Variants in LPAR1 observed in about 807,000 individuals in gnomAD.
LPAR1 encodes the protein lysophosphatidic acid receptor 1, also known as LPA receptor 1.
A neutral mutation model predicts 23.8 loss-of-function variants in LPAR1; 5 were observed. The observed-to-expected ratio is 0.21, with a 90% confidence interval of 0.11 to 0.44. The LOEUF (loss-of-function observed/expected upper bound fraction) is 0.44, where lower values mean the gene tolerates loss of function less well. LPAR1 is among the 20% of genes least tolerant of loss of function. The pLI is 0.99. For synonymous variants in LPAR1, 160 were observed against 164.7 expected, an observed-to-expected ratio of 0.97 and a Z score of 0.22; for missense variants, 311 against 482.8, an observed-to-expected ratio of 0.64 and a Z score of 3.33.
intron 2 of LPAR1, among the ~76,000 whole-genome samples, chr9:110,993,276 C>A (rs968363245): frequency 1.3e-4 from 20 of 152,156 alleles, no homozygotes; most frequent in African/African-American, 4.8e-4. Flanking sequence ...CCTTCCCCAG[C>A]CCCTCACCCA....
chr9:111,006,229 C>T (rs1564319064), intron 2 of LPAR1, among the ~76,000 whole-genome samples: 3 of 152,168 alleles, frequency 2.0e-5, no homozygotes, highest in Non-Finnish European at 4.4e-5. Flanking sequence ...AAAGGCTGTA[C>T]ACAAGACACA....
chr9:110,919,207 T>C (rs140002125), intron 5 of LPAR1, among the ~76,000 whole-genome samples: 1 of 152,190 alleles, frequency 6.6e-6, no homozygotes, highest in Non-Finnish European at 1.5e-5. Flanking sequence ...CAGATTTCTC[T>C]CTCTCTCCCT....
At chr9:110,985,211 C>T (rs17382569) in intron 2 of LPAR1, among the ~76,000 whole-genome samples, 12,977 of 152,060 alleles carry the variant, frequency 0.085, 680 homozygotes, top group African/African-American at 0.15. Flanking sequence ...AAAATACCAT[C>T]GCCACCTGTG....
intron 2 of LPAR1, among the ~76,000 whole-genome samples, chr9:110,990,667 G>A (rs920495408): frequency 6.6e-6 from 1 of 151,794 alleles, no homozygotes; most frequent in Non-Finnish European, 1.5e-5. Context: ...TCAAATAAAT[G>A]ACCTCATCTT....
intron 3 of LPAR1, among the ~76,000 whole-genome samples, chr9:110,972,808 G>A (rs982611694): frequency 1.1e-4 from 16 of 152,154 alleles, no homozygotes; most frequent in South Asian, 4.2e-4. Flanking sequence ...TTAGCCAGGC[G>A]TGGTAGAACA....
intron 4 of LPAR1, among the ~76,000 whole-genome samples, chr9:110,963,874 A>G (rs1295957968): frequency 6.6e-6 from 1 of 152,252 alleles, no homozygotes; most frequent in Non-Finnish European, 1.5e-5. Flanking sequence ...AAGATCCCCC[A>G]GCTATGGTGT....
intron 2 of LPAR1, among the ~76,000 whole-genome samples, chr9:111,013,788 C>T (rs2097381560): frequency 1.3e-5 from 2 of 152,188 alleles, no homozygotes; most frequent in South Asian, 2.1e-4. Flanking sequence ...ATTTCCCCAA[C>T]CTTCATTCCC....
chr9:111,009,269 G>A (rs2097279391), intron 2 of LPAR1, among the ~76,000 whole-genome samples: 1 of 151,966 alleles, frequency 6.6e-6, no homozygotes, highest in South Asian at 2.1e-4. Context: ...CTGATTAAGT[G>A]CAACTGAAGA....
At chr9:110,998,650 C>G (rs940519490) in intron 2 of LPAR1, among the ~76,000 whole-genome samples, 1 of 152,204 alleles carries the variant, frequency 6.6e-6, no homozygotes, top group Non-Finnish European at 1.5e-5. Context: ...ATGACTTGAT[C>G]TGTAGCATAA....
intron 2 of LPAR1, among the ~76,000 whole-genome samples, chr9:111,025,552 T>C (rs1231067642): frequency 6.6e-6 from 1 of 152,220 alleles, no homozygotes; most frequent in East Asian, 1.9e-4. Flanking sequence ...TTAGTTTAAT[T>C]AGATCCCACT....
intron 2 of LPAR1, among the ~76,000 whole-genome samples, chr9:111,023,516 G>GTTTT (rs1194116920): frequency 6.8e-6 from 1 of 146,140 alleles, no homozygotes; most frequent in African/African-American, 2.5e-5. Context: ...ACATTTGGAT[G>GTTTT]TTTTTTTTTT....
At chr9:110,960,582 G>T (rs886745172) in intron 4 of LPAR1, among the ~76,000 whole-genome samples, 1 of 151,950 alleles carries the variant, frequency 6.6e-6, no homozygotes, top group Non-Finnish European at 1.5e-5. Context: ...TACAAAGCTG[G>T]GTAATGGCTA....
At chr9:110,884,307 G>A (rs989373211) in intron 5 of LPAR1, among the ~76,000 whole-genome samples, 6 of 151,946 alleles carry the variant, frequency 3.9e-5, no homozygotes, top group African/African-American at 9.7e-5. Context: ...TTTACTTACC[G>A]CTACTTCTGG....
intron 4 of LPAR1, among the ~76,000 whole-genome samples, chr9:110,970,454 C>T (rs1415797525): frequency 1.3e-5 from 2 of 152,066 alleles, no homozygotes; most frequent in African/African-American, 4.8e-5. Flanking sequence ...GGTCCACTTA[C>T]CAGAAAGAGG....
rs560594078 is a variant in LPAR1 at position 110,874,967 on chromosome 9, T to C, written c.*454A>G. ...AGTTTAAAAGCAGTCCATAGTCTCA[T>C]CCATCACAAACATGCTGATAGGCAT... is the stretch of plus-strand genomic sequence containing the variant. On this transcript the variant is annotated 3_prime_UTR_variant, in exon 6 of 6. Transcript: ENST00000683809. 2.0e-5 allele frequency: 3 copies of C among 153,294 alleles called. No individual in the cohort carries two copies. The highest frequency in any genetic ancestry group is 6.5e-5 in the Admixed American group (1 of 15,368). The allele number at this position is 153,294 out of a possible 1,614,324, so 9.5% of individuals were successfully genotyped here. A position where few individuals can be genotyped will look rare whatever the true frequency, so the allele number is the denominator to read the frequency against.
At chr9:111,017,932 T>C (rs1022964731) in intron 2 of LPAR1, among the ~76,000 whole-genome samples, 5 of 152,024 alleles carry the variant, frequency 3.3e-5, no homozygotes, top group African/African-American at 7.3e-5. Context: ...GGCAGGAGAA[T>C]TGCTTGAACC....
At chr9:110,979,546 C>A (rs770682061) in intron 2 of LPAR1, among the ~76,000 whole-genome samples, 42 of 152,088 alleles carry the variant, frequency 2.8e-4, no homozygotes, top group Non-Finnish European at 2.5e-4. Context: ...TTAAACACAG[C>A]ATCTGTCATC....
intron 2 of LPAR1, among the ~76,000 whole-genome samples, chr9:110,974,952 T>C (rs3758282): frequency 0.27 from 40,821 of 152,010 alleles, 5,886 homozygotes; most frequent in African/African-American, 0.37. Context: ...TTCTCATGTA[T>C]TTATTATTCC....
intron 2 of LPAR1, among the ~76,000 whole-genome samples, chr9:111,015,519 G>C (rs997201920): frequency 2.0e-5 from 3 of 152,138 alleles, no homozygotes; most frequent in Non-Finnish European, 4.4e-5. Flanking sequence ...AGGGTAGAAT[G>C]ATGGTCACCA....
Sources: gnomAD v4.1 joint callset for allele counts (sites outside exome capture counted in the v4.1 genomes callset) on GRCh38, gnomAD v4.1.1 for gene constraint, MANE v1.5 for transcripts, NCBI Gene and HGNC (gene_info 2026-07-23, HGNC 2026-07-21) for gene names.